Variants in SLC25A48 observed in about 807,000 individuals in gnomAD.
SLC25A48 encodes CTC-321K16.1.
In SLC25A48, 29 loss-of-function variants were observed where a neutral mutation model predicts 32.2. That is an observed-to-expected ratio of 0.90 (90% CI 0.67 to 1.23). SLC25A48 has a LOEUF of 1.23. SLC25A48 is among the 50% of genes most tolerant of loss of function. The pLI is 0.00. For missense variants in SLC25A48, 399 were observed against 422.7 expected, an observed-to-expected ratio of 0.94 and a Z score of 0.49; for synonymous variants, 164 against 172.3, an observed-to-expected ratio of 0.95 and a Z score of 0.38.
upstream of SLC25A48, among the ~76,000 whole-genome samples, chr5:135,831,657 C>T (rs940990301): frequency 3.3e-5 from 5 of 152,172 alleles, no homozygotes; most frequent in South Asian, 2.1e-4. Flanking sequence ...ATAGCATGTG[C>T]GCAGTCACAC....
intron 3 of SLC25A48, among the ~76,000 whole-genome samples, chr5:135,798,165 C>T (rs1757234344): frequency 6.6e-6 from 1 of 151,696 alleles, no homozygotes; most frequent in Non-Finnish European, 1.5e-5. Flanking sequence ...ATCACAGGGG[C>T]TGTACACCTC....
At chr5:135,772,928 AATG>A (rs1253758386) in intron 3 of SLC25A48, among the ~76,000 whole-genome samples, 2 of 150,826 alleles carry the variant, frequency 1.3e-5, no homozygotes, top group Non-Finnish European at 3.0e-5. Flanking sequence ...AAAAGGAGAG[AATG>A]ATATTACTCC....
At chr5:135,751,499 A>G (rs892130969) in intron 3 of SLC25A48, among the ~76,000 whole-genome samples, 18 of 152,112 alleles carry the variant, frequency 1.2e-4, no homozygotes, top group African/African-American at 3.4e-4. Flanking sequence ...AAATGTTTCC[A>G]CTAGAAATGA....
At chr5:135,733,455 G>C (rs1334392420) in intron 3 of SLC25A48, among the ~76,000 whole-genome samples, 1 of 152,216 alleles carries the variant, frequency 6.6e-6, no homozygotes, top group African/African-American at 2.4e-5. Flanking sequence ...TCAACAAAGA[G>C]TGAGTATAGC....
intron 3 of SLC25A48, chr5:135,652,598 T>C (rs374258112): frequency 1.4e-4 from 52 of 366,038 alleles, no homozygotes; most frequent in African/African-American, 1.1e-3. Flanking sequence ...GGAGCACCAT[T>C]TGGGATTAAA....
intron 1 of SLC25A48, among the ~76,000 whole-genome samples, chr5:135,598,735 A>G (rs923660793): frequency 1.3e-5 from 2 of 152,104 alleles, no homozygotes; most frequent in African/African-American, 4.8e-5. Flanking sequence ...TGCATGTTAT[A>G]TACATCCCAT....
chr5:135,719,183 A>G (rs1754886965), intron 3 of SLC25A48, among the ~76,000 whole-genome samples: 1 of 152,244 alleles, frequency 6.6e-6, no homozygotes, highest in South Asian at 2.1e-4. Context: ...GGCTAACTCT[A>G]AAAATAGAAA....
chr5:135,762,820 G>T (rs1218116606), intron 3 of SLC25A48, among the ~76,000 whole-genome samples: 4 of 135,978 alleles, frequency 2.9e-5, no homozygotes, highest in Non-Finnish European at 6.4e-5. Context: ...ATAAATGTGA[G>T]TGTGGATGTG....
chr5:135,818,069 CT>C (rs1757776910), intron 4 of SLC25A48, among the ~76,000 whole-genome samples: 1 of 26,876 alleles, frequency 3.7e-5, no homozygotes, highest in Non-Finnish European at 1.1e-4. Context: ...CTCTCTCTCT[CT>C]CTCTCTCTCT....
intron 6 of SLC25A48, chr5:135,874,975 C>T (rs1369555668): frequency 5.0e-6 from 2 of 402,710 alleles, no homozygotes; most frequent in Non-Finnish European, 8.7e-6. Flanking sequence ...GTCTCAGGGC[C>T]TCAGTTTCTC....
At chr5:135,704,028 T>A (rs575651201) in intron 3 of SLC25A48, among the ~76,000 whole-genome samples, 1 of 152,316 alleles carries the variant, frequency 6.6e-6, no homozygotes, top group South Asian at 2.1e-4. Context: ...AATATCTGTG[T>A]CAATTTGGAC....
At chr5:135,870,332 G>A (rs1761538526) in intron 4 of SLC25A48, among the ~76,000 whole-genome samples, 1 of 152,204 alleles carries the variant, frequency 6.6e-6, no homozygotes, top group African/African-American at 2.4e-5. Context: ...ACTGGGTCTG[G>A]AAGTTCTGTC....
intron 7 of SLC25A48, among the ~76,000 whole-genome samples, chr5:135,880,667 C>T (rs890209505): frequency 6.6e-6 from 1 of 152,152 alleles, no homozygotes; most frequent in African/African-American, 2.4e-5. Context: ...TGCTCACATG[C>T]CCTCCTTGGC....
At chr5:135,879,766 A>G (rs1762324446) in intron 6 of SLC25A48, among the ~76,000 whole-genome samples, 1 of 152,144 alleles carries the variant, frequency 6.6e-6, no homozygotes, top group Non-Finnish European at 1.5e-5. Flanking sequence ...TCTGGGAGGA[A>G]AAGCACCACC....
intron 4 of SLC25A48, among the ~76,000 whole-genome samples, chr5:135,864,432 CCCTGA>C (rs143282061): frequency 0.012 from 1,794 of 152,266 alleles, 24 homozygotes; most frequent in African/African-American, 0.039. Context: ...ATGTTAAGAT[CCCTGA>C]AGGGACACAC....
At chr5:135,704,722 A>G (rs889976471) in intron 3 of SLC25A48, among the ~76,000 whole-genome samples, 2 of 152,244 alleles carry the variant, frequency 1.3e-5, no homozygotes, top group African/African-American at 4.8e-5. Context: ...ACTGAGGGAC[A>G]GAGAGGTTAA....
At chr5:135,654,258 A>T (rs923377064) in intron 3 of SLC25A48, among the ~76,000 whole-genome samples, 4 of 152,192 alleles carry the variant, frequency 2.6e-5, no homozygotes, top group African/African-American at 4.8e-5. Flanking sequence ...TTGCAACTGT[A>T]GCCTGTTGGA....
intron 3 of SLC25A48, chr5:135,803,072 T>C (rs933218756): frequency 7.3e-5 from 11 of 151,412 alleles, no homozygotes. Flanking sequence ...TATACAATGT[T>C]ATATAATTAG....
chr5:135,871,920 G>A, intron 5 of SLC25A48: 1 of 1,463,444 alleles, frequency 6.8e-7, no homozygotes, highest in Non-Finnish European at 9.1e-7. Context: ...CTATGAGAAT[G>A]GCAGTTCCCA....
Sources: gnomAD v4.1 joint callset for allele counts (sites outside exome capture counted in the v4.1 genomes callset) on GRCh38, gnomAD v4.1.1 for gene constraint, MANE v1.5 for transcripts, NCBI Gene and HGNC (gene_info 2026-07-23, HGNC 2026-07-21) for gene names.